The following DDAH1 variants were observed in gnomAD, a reference collection of about 807,000 sequenced individuals.
The protein encoded by DDAH1 is N(G),N(G)-dimethylarginine dimethylaminohydrolase 1.
DDAH1 carries 19 observed loss-of-function variants against 28.8 expected under a neutral mutation model. The ratio of observed to expected loss-of-function variants is 0.66; its 90% CI spans 0.46 to 0.97. DDAH1 has a LOEUF of 0.97. Ranked by LOEUF, DDAH1 falls within the 50% of genes least tolerant of loss-of-function variation. DDAH1 has a pLI of 0.00. For synonymous variants in DDAH1, 153 were observed against 154.4 expected, an observed-to-expected ratio of 0.99 and a Z score of 0.07; for missense variants, 326 against 375.9, an observed-to-expected ratio of 0.87 and a Z score of 1.10.
In DDAH1 at chr1:85,344,472, A is replaced by G. The variant is rs566288372; in HGVS notation, c.597+5943T>C. On this transcript the variant is annotated intron_variant, in intron 4 of 5. Transcript: ENST00000284031. ...GCCGGTCAGTGCTGCAGTCCCTCCC[A>G]GGTGGGGTCAGCAGCTTCCTCCTCT... is the stretch of plus-strand genomic sequence containing the variant. Among the ~76,000 whole-genome samples the G allele has an allele frequency of 2.6e-5, 4 of 152,318 alleles. No individual in the cohort carries two copies. The East Asian group carries it at 7.7e-4, about 29-fold the overall frequency.
At chr1:85,526,734 G>A (rs1332170692) in intron 1 of DDAH1, among the ~76,000 whole-genome samples, 2 of 147,626 alleles carry the variant, frequency 1.4e-5, no homozygotes, top group Non-Finnish European at 3.0e-5. Context: ...AAGGGATTCA[G>A]TCATATGTGA....
At chr1:85,459,268 C>G (rs17389081) in intron 1 of DDAH1, among the ~76,000 whole-genome samples, 4,383 of 152,346 alleles carry the variant, frequency 0.029, 90 homozygotes, top group Middle Eastern at 0.048. Flanking sequence ...TACAAGGGAT[C>G]TAGCCCTGCC....
chr1:85,488,953 A>G (rs892598551), intron 2 of DDAH1, among the ~76,000 whole-genome samples: 1 of 152,222 alleles, frequency 6.6e-6, no homozygotes, highest in Non-Finnish European at 1.5e-5. Context: ...GAAGATGGTG[A>G]CTGCATTTGA....
At chr1:85,552,662 G>C (rs969539656) in intron 1 of DDAH1, among the ~76,000 whole-genome samples, 3 of 152,184 alleles carry the variant, frequency 2.0e-5, no homozygotes, top group African/African-American at 4.8e-5. Context: ...TTAGAAGCAG[G>C]CCTCTTAATT....
At chr1:85,326,223 C>T (rs1206221696) in intron 4 of DDAH1, among the ~76,000 whole-genome samples, 4 of 152,094 alleles carry the variant, frequency 2.6e-5, no homozygotes, top group Non-Finnish European at 5.9e-5. Flanking sequence ...AAGAGCAATC[C>T]CATAATGGAA....
chr1:85,485,737 C>G (rs1168229523), intron 2 of DDAH1, among the ~76,000 whole-genome samples: 3 of 152,180 alleles, frequency 2.0e-5, no homozygotes, highest in Admixed American at 1.3e-4. Context: ...TAAACAGCAT[C>G]CGTAGGACAA....
chr1:85,534,269 C>T (rs2100777188), intron 1 of DDAH1, among the ~76,000 whole-genome samples: 1 of 152,144 alleles, frequency 6.6e-6, no homozygotes, highest in Middle Eastern at 3.4e-3. Flanking sequence ...CAAAAACTAC[C>T]CTAAAATATA....
chr1:85,334,030 C>T (rs773051768), intron 4 of DDAH1, among the ~76,000 whole-genome samples: 1 of 151,754 alleles, frequency 6.6e-6, no homozygotes, highest in Non-Finnish European at 1.5e-5. Context: ...CAATTCTCAT[C>T]GTGAATTATA....
rs575457314 is a variant in DDAH1, at chr1:85,398,313, G to A, written c.304-39466C>T. The A allele has an allele frequency of 3.9e-5, 6 of 152,288 alleles. No homozygotes were observed. The East Asian group carries it at 7.7e-4, about 20-fold the overall frequency. The allele number at this position is 152,288 out of a possible 1,614,324, so 9.4% of individuals were successfully genotyped here. On this transcript the variant is annotated intron_variant, in intron 1 of 5. Coordinates refer to ENST00000284031, the MANE Select transcript of DDAH1 (RefSeq NM_012137.4). ...ATAATCAGGTGAAGTTTAATGAGAC[G>A]AAACTTATTTTGCAAACAAATTAGT...
rs143905798 is a variant in DDAH1, at chr1:85,474,538, G to A, written c.-7+21628C>T. ...GTAATTCCTAATCCTCTTTAGACTC[G>A]TTGAAGTCATCACTCTATTCAAGAA... On this transcript the variant is annotated intron_variant, in intron 2 of 6. Coordinates refer to the DDAH1 transcript ENST00000426972. Among the ~76,000 whole-genome samples, 7 of 152,160 alleles carry A rather than the reference G, an allele frequency of 4.6e-5. No individual in the cohort carries two copies. In the East Asian group the frequency reaches 9.7e-4, roughly 21 times the overall value.
At chr1:85,553,311 TG>T (rs1658853568) in intron 1 of DDAH1, among the ~76,000 whole-genome samples, 1 of 152,212 alleles carries the variant, frequency 6.6e-6, no homozygotes, top group African/African-American at 2.4e-5. Context: ...TTACTAAGTT[TG>T]GGGGTAGTTT....
At chr1:85,470,119 G>T (rs147473242), upstream of DDAH1, among the ~76,000 whole-genome samples, 324 of 152,294 alleles carry the variant, frequency 2.1e-3, 3 homozygotes, top group African/African-American at 7.4e-3. Flanking sequence ...ATAGGAGACA[G>T]GTGTTTTGAG....
chr1:85,410,456 A>G (rs1191227460), intron 1 of DDAH1, among the ~76,000 whole-genome samples: 1 of 152,148 alleles, frequency 6.6e-6, no homozygotes, highest in Non-Finnish European at 1.5e-5. Flanking sequence ...CCTGACCAAC[A>G]TGAAGAAACC....
At chr1:85,379,706 GAACTT>G (rs1374704177) in intron 1 of DDAH1, 6 of 985,164 alleles carry the variant, frequency 6.1e-6, no homozygotes, top group African/African-American at 3.5e-5. Flanking sequence ...ACTCTGAACT[GAACTT>G]ATCTATTTCC....
At chr1:85,353,826 A>C (rs534182819) in intron 2 of DDAH1, among the ~76,000 whole-genome samples, 1 of 152,362 alleles carries the variant, frequency 6.6e-6, no homozygotes, top group African/African-American at 2.4e-5. Context: ...TTTTCCAAGA[A>C]ACAAAGGGAG....
At chr1:85,489,784 A>T (rs561252367) in intron 2 of DDAH1, among the ~76,000 whole-genome samples, 88 of 152,338 alleles carry the variant, frequency 5.8e-4, no homozygotes, top group African/African-American at 2.1e-3. Flanking sequence ...ATACTGGAAG[A>T]TAAAGTTATG....
chr1:85,322,027 C>A (rs1661370522), intron 5 of DDAH1, among the ~76,000 whole-genome samples: 1 of 152,172 alleles, frequency 6.6e-6, no homozygotes, highest in African/African-American at 2.4e-5. Context: ...GATCCTCCCA[C>A]CTCAGCCTCC....
chr1:85,424,251 G>C (rs1325073411), intron 1 of DDAH1, among the ~76,000 whole-genome samples: 1 of 152,092 alleles, frequency 6.6e-6, no homozygotes. Flanking sequence ...TGCTCTCTCT[G>C]CTTCTGTTTT....
At chr1:85,403,188 TATATATATATGA>T (rs1192675385) in intron 1 of DDAH1, among the ~76,000 whole-genome samples, 2 of 132,702 alleles carry the variant, frequency 1.5e-5, no homozygotes, top group African/African-American at 3.3e-5. Flanking sequence ...TACATATACC[TATATATATATGA>T]ATATATATAT....
Sources: gnomAD v4.1 joint callset for allele counts (sites outside exome capture counted in the v4.1 genomes callset) on GRCh38, gnomAD v4.1.1 for gene constraint, MANE v1.5 for transcripts, NCBI Gene and HGNC (gene_info 2026-07-23, HGNC 2026-07-21) for gene names.